SGCZ: variants seen among roughly 807,000 people sequenced by gnomAD.
SGCZ encodes the protein zeta-sarcoglycan.
A neutral mutation model predicts 41.3 loss-of-function variants in SGCZ; 40 were observed. The ratio of observed to expected loss-of-function variants is 0.97; its 90% CI spans 0.75 to 1.26. The LOEUF is 1.26. SGCZ is among the 50% of genes most tolerant of loss of function. The probability of loss-of-function intolerance (pLI) is 0.00; values close to 1 mark genes in which losing one functional copy is unlikely to be tolerated. For synonymous variants in SGCZ, 206 were observed against 137.5 expected, an observed-to-expected ratio of 1.50 and a Z score of -3.49; for missense variants, 552 against 369.8, an observed-to-expected ratio of 1.49 and a Z score of -4.04.
rs1231358927 is a variant in SGCZ, at chr8:15,196,206, T to C, written c.39+41379A>G. 2.0e-5 allele frequency among the ~76,000 whole-genome samples: 3 copies of C among 152,166 alleles called. 1 individual carries two copies. The highest frequency in any genetic ancestry group is 4.4e-5 in the Non-Finnish European group (3 of 68,022). ...GCCACCGCGCCCGGCCAGGCTTCGA[T>C]TTTTTAAAGGCAGGAACTATCCCAA... is the stretch of plus-strand genomic sequence containing the variant. On this transcript the variant is annotated intron_variant, in intron 1 of 7. Transcript: ENST00000382080.
chr8:14,096,624 G>C (rs1217100269), intron 7 of SGCZ, among the ~76,000 whole-genome samples: 1 of 152,184 alleles, frequency 6.6e-6, no homozygotes, highest in Non-Finnish European at 1.5e-5. Flanking sequence ...CTCATAAAGT[G>C]AGTTAGGGAG....
chr8:14,791,215 TACC>T (rs1387910925), intron 1 of SGCZ, among the ~76,000 whole-genome samples: 1 of 152,108 alleles, frequency 6.6e-6, no homozygotes, highest in Non-Finnish European at 1.5e-5. Context: ...CTAACTCTAA[TACC>T]ACATCCTTTA....
At chr8:15,088,648 G>A (rs1335637661) in intron 1 of SGCZ, among the ~76,000 whole-genome samples, 1 of 151,102 alleles carries the variant, frequency 6.6e-6, no homozygotes, top group Non-Finnish European at 1.5e-5. Flanking sequence ...ATAGAGCCCA[G>A]ATGAGAAAAC....
chr8:15,219,449 G>T (rs73537903), intron 1 of SGCZ, among the ~76,000 whole-genome samples: 1 of 152,006 alleles, frequency 6.6e-6, no homozygotes, highest in Non-Finnish European at 1.5e-5. Context: ...CCTATTATTC[G>T]TTGGTCAAAA....
rs1243027046 is a variant in SGCZ at position 14,652,546 on chromosome 8, G to C, written c.40-97620C>G. Among the ~76,000 whole-genome samples, 4 of 152,046 alleles carry C rather than the reference G, an allele frequency of 2.6e-5. No homozygotes were observed. The East Asian group carries it at 5.8e-4, about 22-fold the overall frequency. On this transcript the variant is annotated intron_variant, in intron 1 of 7. Transcript: ENST00000382080. ...TGTATGCAGAGCTGCAATTTGTTCA[G>C]TGAATTCCGACAGCAAGAATTTAGC...
At chr8:14,733,035 G>C (rs563257480) in intron 1 of SGCZ, among the ~76,000 whole-genome samples, 23 of 152,162 alleles carry the variant, frequency 1.5e-4, no homozygotes, top group African/African-American at 5.5e-4. Context: ...TCTCAGGGAC[G>C]CTCAGGGTTC....
rs995209399 is a variant in SGCZ, at chr8:14,916,459, A to G, written c.39+321126T>C. Among the ~76,000 whole-genome samples, 6 of 152,216 alleles carry G rather than the reference A, an allele frequency of 3.9e-5. No individual in the cohort carries two copies. In the South Asian group the frequency reaches 1.2e-3, roughly 31 times the overall value. On this transcript the variant is annotated intron_variant, in intron 1 of 7. Coordinates refer to ENST00000382080, the MANE Select transcript of SGCZ (RefSeq NM_139167.4). ...AAGATCAGATAGCAGAAATGTAGAT[A>G]TGATAATGTGGTAGCTGTTTTTTCA...
intron 1 of SGCZ, among the ~76,000 whole-genome samples, chr8:15,234,455 AACAC>A (rs1802058596): frequency 6.6e-6 from 1 of 152,366 alleles, no homozygotes; most frequent in Non-Finnish European, 1.5e-5. Flanking sequence ...AAGGGAAAAG[AACAC>A]ACACATTCTT....
chr8:14,593,318 A>G (rs1321584863), intron 1 of SGCZ, among the ~76,000 whole-genome samples: 1 of 152,220 alleles, frequency 6.6e-6, no homozygotes, highest in Non-Finnish European at 1.5e-5. Context: ...CTACTAACCA[A>G]GAAATGTAGG....
intron 2 of SGCZ, among the ~76,000 whole-genome samples, chr8:14,508,933 T>C (rs1217686395): frequency 1.3e-5 from 2 of 152,176 alleles, no homozygotes; most frequent in East Asian, 1.9e-4. Context: ...ATTACTATTT[T>C]ACAAACATCA....
At chr8:15,111,641 C>A (rs554863906) in intron 1 of SGCZ, among the ~76,000 whole-genome samples, 2 of 152,144 alleles carry the variant, frequency 1.3e-5, no homozygotes, top group East Asian at 3.9e-4. Context: ...GTGGTTCACG[C>A]CTGTAATCGC....
intron 1 of SGCZ, among the ~76,000 whole-genome samples, chr8:15,006,423 A>G (rs2130918903): frequency 6.6e-6 from 1 of 152,330 alleles, no homozygotes. Context: ...TTAAATAATA[A>G]TTGGACATTC....
chr8:14,814,898 A>G (rs1348923483), intron 1 of SGCZ, among the ~76,000 whole-genome samples: 1 of 152,160 alleles, frequency 6.6e-6, no homozygotes, highest in Non-Finnish European at 1.5e-5. Flanking sequence ...CCAGCTACAT[A>G]TAGTTGCTAT....
At chr8:15,184,330 C>T (rs750145428) in intron 1 of SGCZ, among the ~76,000 whole-genome samples, 7 of 152,098 alleles carry the variant, frequency 4.6e-5, no homozygotes, top group Non-Finnish European at 1.0e-4. Flanking sequence ...AGGACACGAA[C>T]ATGCAAGTAT....
chr8:14,703,612 C>A (rs1809240371), intron 1 of SGCZ, among the ~76,000 whole-genome samples: 4 of 151,920 alleles, frequency 2.6e-5, no homozygotes, highest in Admixed American at 2.0e-4. Context: ...GTTGAATAAG[C>A]AAATTTATGG....
chr8:14,767,440 A>G (rs1800074032), intron 1 of SGCZ, among the ~76,000 whole-genome samples: 1 of 152,216 alleles, frequency 6.6e-6, no homozygotes, highest in Non-Finnish European at 1.5e-5. Context: ...CATGAACATC[A>G]TATTTTCTCA....
intron 5 of SGCZ, among the ~76,000 whole-genome samples, chr8:14,127,379 A>T (rs1802893956): frequency 6.6e-6 from 1 of 152,144 alleles, no homozygotes; most frequent in African/African-American, 2.4e-5. Context: ...GTCAGTGGCA[A>T]AGCATATGCC....
intron 1 of SGCZ, among the ~76,000 whole-genome samples, chr8:15,129,254 G>A (rs1807813283): frequency 6.6e-6 from 1 of 151,984 alleles, no homozygotes; most frequent in East Asian, 1.9e-4. Context: ...GTCTATTAAT[G>A]TCCACACTTT....
intron 1 of SGCZ, among the ~76,000 whole-genome samples, chr8:14,841,190 T>TA (rs1046579798): frequency 2.0e-5 from 3 of 152,098 alleles, no homozygotes; most frequent in African/African-American, 4.8e-5. Flanking sequence ...CAAAAGATGT[T>TA]AAAAACAGAC....
Sources: allele counts gnomAD v4.1 joint callset (sites outside exome capture counted in the v4.1 genomes callset), GRCh38; gene constraint gnomAD v4.1.1; transcripts MANE v1.5; gene names NCBI Gene and HGNC (gene_info 2026-07-23, HGNC 2026-07-21).